Variants in DAPK2 observed in about 807,000 individuals in gnomAD.
The protein encoded by DAPK2 is death associated protein kinase 2.
A neutral mutation model predicts 44.1 loss-of-function variants in DAPK2; 35 were observed. That is an observed-to-expected ratio of 0.79 (90% CI 0.61 to 1.05). The LOEUF (loss-of-function observed/expected upper bound fraction) is 1.05. Among genes scored for constraint, DAPK2 ranks in the 50% least tolerant of loss-of-function variants. The pLI, the probability that DAPK2 is intolerant of heterozygous loss-of-function variation, is 0.00. For synonymous variants in DAPK2, 174 were observed against 182.6 expected (o/e 0.95, Z 0.38); for missense variants, 453 against 483.2 (o/e 0.94, Z 0.59).
At chr15:63,967,756 G>A (rs1333545288) in intron 3 of DAPK2, among the ~76,000 whole-genome samples, 1 of 152,200 alleles carries the variant, frequency 6.6e-6, no homozygotes, top group Non-Finnish European at 1.5e-5. Context: ...TGGTGAGCAG[G>A]GACAGAGCCT....
At position 63,980,030 on chromosome 15, in the gene DAPK2, C is replaced by T. The variant is rs933310023; in HGVS notation, c.314+3503G>A. On this transcript the variant is annotated intron_variant, in intron 2 of 10. Coordinates refer to ENST00000261891, the Ensembl canonical transcript of DAPK2. This position sits in a 1 kb window ranked among gnomAD's most constrained non-coding sequence, Gnocchi z 4.3. ...GACAGTCTTGGAACGCTTGGGTCTT[C>T]TCCAATCTCATAAATTCTTAGCAGT... Among the ~76,000 whole-genome samples, 4 of 152,192 alleles carry T rather than the reference C, an allele frequency of 2.6e-5. No homozygotes were observed. Among genetic ancestry groups the T allele is most frequent in the African/African-American group, 9.7e-5 (4 of 41,448 alleles).
chr15:63,929,626 G>A (rs760691966), intron 5 of DAPK2, 49 bp from the exon 7 acceptor site: 18 of 1,611,384 alleles, frequency 1.1e-5, no homozygotes, highest in Admixed American at 1.7e-5. Context: ...TCCCATCCCC[G>A]ACCAGCAAGG....
intron 1 of DAPK2, among the ~76,000 whole-genome samples, chr15:64,005,883 A>C (rs1451238923): frequency 6.6e-6 from 1 of 152,014 alleles, no homozygotes; most frequent in Non-Finnish European, 1.5e-5. Context: ...AAAATTTTTT[A>C]ATTAGCTAGG....
At chr15:63,954,132 T>G (rs2077661119) in intron 3 of DAPK2, among the ~76,000 whole-genome samples, 1 of 152,246 alleles carries the variant, frequency 6.6e-6, no homozygotes, top group Admixed American at 6.5e-5. Context: ...ATTGTTTTCT[T>G]TGCTGTGCAG....
In DAPK2 at chr15:64,046,115, C is replaced by A. The variant is rs2080455457; in HGVS notation, c.-7+183G>T. Among the ~76,000 whole-genome samples, 1 of 152,140 alleles carries A rather than the reference C, an allele frequency of 6.6e-6. No individual in the cohort carries two copies. The highest frequency in any genetic ancestry group is 1.5e-5 in the Non-Finnish European group (1 of 67,998). ...CGCCCCAGGGCAGCGGCGGGCAGCT[C>A]CCGCGCTCGGGTGCCGGCCACAATG... On this transcript the variant is annotated intron_variant, in intron 1 of 11. Transcript: ENST00000457488. The surrounding 1 kb of genome is among the most constrained non-coding windows in gnomAD (Gnocchi z 5.3).
chr15:64,046,201 G>C lies in DAPK2; in HGVS notation c.-7+97C>G. On this transcript the variant is annotated intron_variant, in intron 1 of 11. Transcript: ENST00000457488. The surrounding 1 kb of genome is among the most constrained non-coding windows in gnomAD (Gnocchi z 5.3). ...CCCGGGATCTGCGAGCGAGTGCCCC[G>C]GATCTCTTCGCCCCGCCAGCCCCAG... 1 of 423,018 alleles carries C rather than the reference G, an allele frequency of 2.4e-6. No individual in the cohort carries two copies. Among genetic ancestry groups the C allele is most frequent in the Non-Finnish European group, 3.2e-6 (1 of 315,104 alleles). The allele number at this position is 423,018 out of a possible 1,614,324, so 26.2% of individuals were successfully genotyped here.
At chr15:63,922,493 T>C (rs1428657630) in intron 8 of DAPK2, 1 of 1,311,058 alleles carries the variant, frequency 7.6e-7, no homozygotes, top group Non-Finnish European at 9.7e-7. Flanking sequence ...ACTCACTCTC[T>C]AATTGTTTTA....
rs1356135363 is a variant in DAPK2 at position 64,036,324 on chromosome 15, T to TATATATATATATATATAC, written c.92+3845_92+3846insGTATATATATATATATAT. Among the ~76,000 whole-genome samples, 42 of 116,016 alleles carry TATATATATATATATATAC rather than the reference T, an allele frequency of 3.6e-4. 4 individuals are homozygous for TATATATATATATATATAC. The highest frequency in any genetic ancestry group is 6.5e-4 in the Non-Finnish European group (37 of 56,506). The allele number at this position is 116,016 out of a possible 152,430, so 76.1% of individuals were successfully genotyped here. On this transcript the variant is annotated intron_variant, in intron 1 of 10. Transcript: ENST00000261891. ...GTGTGTGTGTGTATATATATGTATATATATATATATATACATATATATATA... is the reference window on the plus strand; with the variant it reads ...GTGTGTGTGTGTATATATATGTATATATATATATATATATATACATATATATATATACATATATATATA...
At chr15:64,011,399 A>G (rs550735912) in intron 1 of DAPK2, among the ~76,000 whole-genome samples, 1 of 152,284 alleles carries the variant, frequency 6.6e-6, no homozygotes, top group African/African-American at 2.4e-5. Flanking sequence ...ATCTCTAACT[A>G]AAAATACAAA....
At chr15:64,006,917 T>C (rs922986336) in intron 1 of DAPK2, among the ~76,000 whole-genome samples, 1 of 151,976 alleles carries the variant, frequency 6.6e-6, no homozygotes, top group South Asian at 2.1e-4. Flanking sequence ...CTCCCACCCA[T>C]AGGGAGCCCG....
intron 2 of DAPK2, among the ~76,000 whole-genome samples, chr15:63,978,296 G>A (rs970044447): frequency 6.6e-6 from 1 of 152,170 alleles, no homozygotes; most frequent in Non-Finnish European, 1.5e-5. Context: ...GCCAGGTTGT[G>A]TGGGCCTGTG....
chr15:63,941,579 G>C (rs1041911438), intron 3 of DAPK2, among the ~76,000 whole-genome samples: 9 of 152,098 alleles, frequency 5.9e-5, no homozygotes, highest in African/African-American at 1.9e-4. Context: ...CTTCCAGCTG[G>C]AAACTTCCAC....
intron 4 of DAPK2, among the ~76,000 whole-genome samples, chr15:63,931,890 C>A (rs756151237): frequency 6.6e-6 from 1 of 152,060 alleles, no homozygotes; most frequent in Non-Finnish European, 1.5e-5. Flanking sequence ...ATAGGATGGG[C>A]GTGGTGGCTC....
chr15:64,026,547 T>C (rs924218677), intron 1 of DAPK2, among the ~76,000 whole-genome samples: 3 of 152,154 alleles, frequency 2.0e-5, no homozygotes, highest in Non-Finnish European at 4.4e-5. Context: ...CCCAGCCTGA[T>C]AGGGTACCTC....
At chr15:64,037,027 T>G (rs545279778) in intron 1 of DAPK2, among the ~76,000 whole-genome samples, 7 of 152,316 alleles carry the variant, frequency 4.6e-5, no homozygotes, top group Admixed American at 3.3e-4. Flanking sequence ...AGCTAGGTAA[T>G]GGTACTATTT....
intron 1 of DAPK2, among the ~76,000 whole-genome samples, chr15:63,985,226 T>G (rs1291805715): frequency 6.6e-6 from 1 of 152,208 alleles, no homozygotes; most frequent in Non-Finnish European, 1.5e-5. Context: ...AAATTTATCT[T>G]ACATCGTCCA....
At chr15:63,989,362 C>T (rs1350445365) in intron 1 of DAPK2, among the ~76,000 whole-genome samples, 1 of 152,008 alleles carries the variant, frequency 6.6e-6, no homozygotes, top group African/African-American at 2.4e-5. Context: ...ACAAGCAAGA[C>T]TCCGTCTCTA....
chr15:63,960,400 ATG>A (rs1319357056), intron 3 of DAPK2, among the ~76,000 whole-genome samples: 1 of 152,076 alleles, frequency 6.6e-6, no homozygotes, highest in Non-Finnish European at 1.5e-5. Context: ...TAGCTTTTGA[ATG>A]TGTTTGCTCT....
chr15:63,955,673 T>C (rs1422841833), intron 3 of DAPK2, among the ~76,000 whole-genome samples: 3 of 152,064 alleles, frequency 2.0e-5, no homozygotes, highest in Non-Finnish European at 4.4e-5. Flanking sequence ...GCTTAGGTGA[T>C]CCTCCCATCT....
Sources: allele counts gnomAD v4.1 joint callset (sites outside exome capture counted in the v4.1 genomes callset), GRCh38; gene constraint gnomAD v4.1.1; non-coding constraint Gnocchi (gnomAD v3.1); transcripts MANE v1.5; gene names NCBI Gene and HGNC (gene_info 2026-07-23, HGNC 2026-07-21).